Variants in RAPH1 observed in about 807,000 individuals in gnomAD.
RAPH1 encodes ras-associated and pleckstrin homology domains-containing protein 1.
RAPH1 carries 18 observed loss-of-function variants against 88.1 expected under a neutral mutation model. That is an observed-to-expected ratio of 0.20 (90% CI 0.14 to 0.30). The LOEUF is 0.30. Ranked by LOEUF, RAPH1 falls within the 10% of genes least tolerant of loss-of-function variation. The pLI is 1.00. For missense variants in RAPH1, 1,448 were observed against 1,543.2 expected, an observed-to-expected ratio of 0.94 and a Z score of 1.03; for synonymous variants, 587 against 559.0, an observed-to-expected ratio of 1.05 and a Z score of -0.71.
intron 13 of RAPH1, chr2:203,444,152 G>C (rs2098506987): frequency 6.6e-6 from 1 of 152,034 alleles, no homozygotes; most frequent in Non-Finnish European, 1.5e-5. Flanking sequence ...GAGAGAGAGA[G>C]GCTGGGCACG....
At chr2:203,491,441 CTAAG>C in intron 2 of RAPH1, 122 bp from the exon 3 acceptor site, 1 of 595,644 alleles carries the variant, frequency 1.7e-6, no homozygotes, top group Non-Finnish European at 2.9e-6. Context: ...CAAAGTTCTC[CTAAG>C]TAATAGACTT....
chr2:203,530,772 A>T (rs776995928), intron 1 of RAPH1, among the ~76,000 whole-genome samples: 8 of 152,076 alleles, frequency 5.3e-5, no homozygotes, highest in African/African-American at 7.2e-5. Flanking sequence ...CATGCCTGTA[A>T]TCCCAGCTAC....
chr2:203,484,003 C>A (rs1687847461), intron 4 of RAPH1, among the ~76,000 whole-genome samples: 1 of 152,120 alleles, frequency 6.6e-6, no homozygotes, highest in Non-Finnish European at 1.5e-5. Context: ...TTGCAGACAG[C>A]CTGTCACATG....
intron 2 of RAPH1, 26 bp from the exon 3 acceptor site, chr2:203,491,345 C>G: frequency 4.2e-6 from 6 of 1,414,830 alleles, no homozygotes; most frequent in Non-Finnish European, 5.9e-6. Context: ...GTTTAATAGT[C>G]ATATTAAATT....
In RAPH1 at chr2:203,448,469, T is replaced by C. The variant is rs933100456; in HGVS notation, c.1512+269A>G. ...GCTAAACTCTACTATTTAAGAATCA[T>C]ATAATGCATTCTCCAAAGCCAAAAT... On this transcript the variant is annotated intron_variant, in intron 11 of 13. Transcript: ENST00000319170. This position sits in a 1 kb window ranked among gnomAD's most constrained non-coding sequence, Gnocchi z 4.1. 2.0e-5 allele frequency among the ~76,000 whole-genome samples: 3 copies of C among 152,220 alleles called. No homozygotes were observed. Among genetic ancestry groups the C allele is most frequent in the Admixed American group, 2.0e-4 (3 of 15,278 alleles).
At chr2:203,501,561 A>T (rs916451036) in intron 1 of RAPH1, among the ~76,000 whole-genome samples, 1 of 152,208 alleles carries the variant, frequency 6.6e-6, no homozygotes, top group South Asian at 2.1e-4. Flanking sequence ...TGAGCCCAGG[A>T]GTTTGAGACC....
intron 6 of RAPH1, among the ~76,000 whole-genome samples, chr2:203,460,885 G>A (rs979303614): frequency 1.3e-5 from 2 of 152,096 alleles, no homozygotes; most frequent in African/African-American, 4.8e-5. Flanking sequence ...GGGAGGCCAA[G>A]GCAGGTGGAT....
intron 4 of RAPH1, among the ~76,000 whole-genome samples, chr2:203,480,474 G>A (rs1687674724): frequency 6.6e-6 from 1 of 152,204 alleles, no homozygotes; most frequent in South Asian, 2.1e-4. Flanking sequence ...CGTGAACCCA[G>A]GAGGTGGAGG....
At chr2:203,477,597 T>C (rs1255574032) in intron 4 of RAPH1, among the ~76,000 whole-genome samples, 5 of 152,164 alleles carry the variant, frequency 3.3e-5, no homozygotes, top group African/African-American at 1.2e-4. Flanking sequence ...CTTCCCTCCA[T>C]GTGAGAAAGC....
intron 1 of RAPH1, among the ~76,000 whole-genome samples, chr2:203,505,779 C>T (rs1465654895): frequency 6.6e-6 from 1 of 152,194 alleles, no homozygotes; most frequent in African/African-American, 2.4e-5. Context: ...CTTTAAGCCA[C>T]TCAGCGTGTA....
chr2:203,477,243 A>C (rs1687500937), intron 4 of RAPH1: 2 of 969,696 alleles, frequency 2.1e-6, no homozygotes, highest in Non-Finnish European at 3.3e-6. Context: ...GAAAAAGATC[A>C]ATGAAGTGAA....
At chr2:203,519,051 T>C (rs969046396) in intron 1 of RAPH1, among the ~76,000 whole-genome samples, 28 of 152,216 alleles carry the variant, frequency 1.8e-4, no homozygotes, top group Admixed American at 1.2e-3. Flanking sequence ...GATGGGTTCA[T>C]TGTGAATTCT....
chr2:203,436,821 T>C lies in RAPH1; in HGVS notation c.*2616A>G, dbSNP rs1443118158. 3 of 152,158 alleles carry C rather than the reference T, an allele frequency of 2.0e-5. No individual in the cohort carries two copies. Among genetic ancestry groups the C allele is most frequent in the Admixed American group, 2.0e-4 (3 of 15,262 alleles). The allele number at this position is 152,158 out of a possible 1,614,324, so 9.4% of individuals were successfully genotyped here. Reference sequence around the variant, plus strand: ...GAGAAAAAGAGCTACAGAAATACAGTCTAGGAAAAGCTACATCCCAACAAA... The same window carrying C: ...GAGAAAAAGAGCTACAGAAATACAGCCTAGGAAAAGCTACATCCCAACAAA... On this transcript the variant is annotated 3_prime_UTR_variant, in exon 14 of 14. Coordinates refer to ENST00000319170, the MANE Select transcript of RAPH1 (RefSeq NM_213589.3).
In RAPH1 at chr2:203,528,294, A is replaced by G. The variant is rs148628958; in HGVS notation, c.-1+6817T>C. Among the ~76,000 whole-genome samples, 236 of 152,298 alleles carry G rather than the reference A, an allele frequency of 1.5e-3. 1 individual carries two copies. The highest frequency in any genetic ancestry group is 4.7e-3 in the African/African-American group (196 of 41,566). On this transcript the variant is annotated intron_variant, in intron 1 of 13. Coordinates refer to ENST00000319170, the MANE Select transcript of RAPH1 (RefSeq NM_213589.3). ...GTGTCATCTTAAAATACTCATATCT[A>G]CACACTCTAAGAACAGAGAAGCCAT...
At chr2:203,485,447 C>T (rs1474231789) in intron 4 of RAPH1, among the ~76,000 whole-genome samples, 1 of 151,298 alleles carries the variant, frequency 6.6e-6, no homozygotes, top group Non-Finnish European at 1.5e-5. Context: ...CACTGCACAC[C>T]ACGAAGTCAA....
chr2:203,521,260 G>A (rs1231886534), intron 1 of RAPH1, among the ~76,000 whole-genome samples: 1 of 152,080 alleles, frequency 6.6e-6, no homozygotes, highest in African/African-American at 2.4e-5. Flanking sequence ...CACCATGTTG[G>A]CCAGGCTGGT....
chr2:203,491,346 A>AC, intron 2 of RAPH1, 27 bp from the exon 3 acceptor site: 7 of 1,416,810 alleles, frequency 4.9e-6, no homozygotes, highest in African/African-American at 1.4e-5. Context: ...TTTAATAGTC[A>AC]TATTAAATTC....
chr2:203,484,794 A>G (rs1687889703), intron 4 of RAPH1, among the ~76,000 whole-genome samples: 1 of 152,240 alleles, frequency 6.6e-6, no homozygotes, highest in South Asian at 2.1e-4. Context: ...TCACTCACCC[A>G]CCAGCAGTGG....
rs2098504716 is a variant in RAPH1 at position 203,442,026 on chromosome 2, T to C, written c.1777-613A>G. ...TGGTGTGAGACAATTGCATCCAACA[T>C]GCACAGAAGTCCAGCAATGCAGGTA... On this transcript the variant is annotated intron_variant, in intron 13 of 13. Transcript: ENST00000319170. The C allele has an allele frequency of 3.8e-6, 6 of 1,567,830 alleles. No individual in the cohort carries two copies. The African/African-American group carries it at 4.2e-5, about 11-fold the overall frequency.
Sources: gnomAD v4.1 joint callset for allele counts (sites outside exome capture counted in the v4.1 genomes callset) on GRCh38, gnomAD v4.1.1 for gene constraint, Gnocchi (gnomAD v3.1) non-coding constraint, MANE v1.5 for transcripts, NCBI Gene and HGNC (gene_info 2026-07-23, HGNC 2026-07-21) for gene names.